Variants in ARHGAP42 observed in about 807,000 individuals in gnomAD.
ARHGAP42 encodes the protein Rho GTPase activating protein 42.
A neutral mutation model predicts 125.0 loss-of-function variants in ARHGAP42; 63 were observed. The observed-to-expected ratio is 0.50, with a 90% CI of 0.41 to 0.62. The LOEUF (loss-of-function observed/expected upper bound fraction) is 0.62. Ranked by LOEUF, ARHGAP42 falls within the 20% of genes least tolerant of loss-of-function variation. The probability of loss-of-function intolerance (pLI) is 0.00; values close to 1 mark genes in which losing one functional copy is unlikely to be tolerated. For synonymous variants in ARHGAP42, 339 were observed against 351.0 expected (o/e 0.97, Z 0.38); for missense variants, 766 against 1,024.2 (o/e 0.75, Z 3.44).
chr11:100,726,265 G>T (rs1210603789), intron 1 of ARHGAP42, among the ~76,000 whole-genome samples: 1 of 152,102 alleles, frequency 6.6e-6, no homozygotes, highest in African/African-American at 2.4e-5. Flanking sequence ...CTAAAGCAAG[G>T]GAGTTGGAAT....
At chr11:100,891,933 C>T (rs1366665091) in intron 4 of ARHGAP42, among the ~76,000 whole-genome samples, 1 of 152,084 alleles carries the variant, frequency 6.6e-6, no homozygotes, top group Non-Finnish European at 1.5e-5. Context: ...TGAGAGCTAG[C>T]AGGGGAAAGG....
At chr11:100,896,245 A>G (rs924774422) in intron 4 of ARHGAP42, among the ~76,000 whole-genome samples, 1 of 151,844 alleles carries the variant, frequency 6.6e-6, no homozygotes, top group African/African-American at 2.4e-5. Flanking sequence ...TCTATCATTG[A>G]TGGACATTTG....
rs190046506 is a variant in ARHGAP42, at chr11:100,717,587, A to G, written c.154+29755A>G. Among the ~76,000 whole-genome samples, 1,011 of 138,294 alleles carry G rather than the reference A, an allele frequency of 7.3e-3. 11 individuals are homozygous for G. Among genetic ancestry groups the G allele is most frequent in the African/African-American group, 0.026 (946 of 37,096 alleles). 90.7% of individuals were successfully genotyped at this position (138,294 alleles called of 152,430 possible). On this transcript the variant is annotated intron_variant, in intron 1 of 23. Transcript: ENST00000298815. The stretch of plus-strand genomic sequence containing the variant: ...GGGAGGTGGAGCTGGTAGTGAGCCG[A>G]GATTGTGCCACTGCACTCTAGCCTG...
intron 3 of ARHGAP42, among the ~76,000 whole-genome samples, chr11:100,817,869 A>G (rs922170359): frequency 6.6e-6 from 1 of 152,184 alleles, no homozygotes; most frequent in Admixed American, 6.6e-5. Flanking sequence ...TCCACAGGGC[A>G]TTGCGTGAAG....
intron 22 of ARHGAP42, among the ~76,000 whole-genome samples, chr11:100,982,691 A>C (rs924582079): frequency 1.3e-5 from 2 of 152,312 alleles, no homozygotes; most frequent in Non-Finnish European, 2.9e-5. Context: ...ATATGTTTTG[A>C]AGGCTGAATT....
chr11:100,889,009 T>C (rs191251746), intron 4 of ARHGAP42, among the ~76,000 whole-genome samples: 2 of 152,344 alleles, frequency 1.3e-5, no homozygotes, highest in East Asian at 1.9e-4. Flanking sequence ...TACTCTGTAC[T>C]TCACATTGTA....
At chr11:100,840,774 A>G (rs536110777) in intron 3 of ARHGAP42, 1 of 152,344 alleles carries the variant, frequency 6.6e-6, no homozygotes, top group South Asian at 2.1e-4. Context: ...TTAATAATAT[A>G]TAGAAGTGTC....
At chr11:100,857,766 C>T (rs73009603) in intron 3 of ARHGAP42, among the ~76,000 whole-genome samples, 2,861 of 152,084 alleles carry the variant, frequency 0.019, 37 homozygotes, top group Non-Finnish European at 0.029. Context: ...TCATTGAGTC[C>T]CTTTGTGTCT....
chr11:100,776,759 G>A (rs1437118883), intron 2 of ARHGAP42, among the ~76,000 whole-genome samples: 1 of 152,108 alleles, frequency 6.6e-6, no homozygotes, highest in African/African-American at 2.4e-5. Flanking sequence ...TAGGCAGGCA[G>A]ATCACCTCAG....
intron 10 of ARHGAP42, among the ~76,000 whole-genome samples, chr11:100,948,122 T>A (rs564987559): frequency 2.0e-5 from 3 of 152,076 alleles, no homozygotes; most frequent in Non-Finnish European, 4.4e-5. Flanking sequence ...AATTCATAGA[T>A]GGCTTTGAAG....
Position 100,961,722 on chromosome 11 carries a change from C to A in ARHGAP42, c.1339C>A (p.Leu447Met), listed in dbSNP as rs931319245. ...SPPDIDIDIE[L>M]WDNKTITSGL... is the part of the protein sequence containing the mutation. ...TCCTGATATTGATATTGATATTGAA[C>A]TGTGGGACAATAAGACGATAACAAG... Residue 447 changes from leucine (L) to methionine (M), a missense_variant, in exon 15 of 24, where the codon CTG (leucine) becomes ATG (methionine). Transcript: ENST00000298815. The A allele has an allele frequency of 6.4e-7, 1 of 1,551,612 alleles. No individual in the cohort carries two copies. The highest frequency in any genetic ancestry group is 1.4e-5 in the African/African-American group (1 of 73,004).
intron 22 of ARHGAP42, among the ~76,000 whole-genome samples, chr11:100,979,662 T>A (rs948576002): frequency 1.2e-4 from 18 of 151,712 alleles, no homozygotes; most frequent in Non-Finnish European, 5.9e-5. Flanking sequence ...GGTTTTTAAT[T>A]TGAATAATGG....
chr11:100,702,619 A>T (rs1039949728), intron 1 of ARHGAP42, among the ~76,000 whole-genome samples: 4 of 150,530 alleles, frequency 2.7e-5, no homozygotes, highest in Non-Finnish European at 4.4e-5. Context: ...CTGTATTTCA[A>T]TTAGTCTTTC....
intron 2 of ARHGAP42, among the ~76,000 whole-genome samples, chr11:100,783,652 C>A (rs1863366582): frequency 6.6e-6 from 1 of 152,124 alleles, no homozygotes; most frequent in Admixed American, 6.5e-5. Flanking sequence ...TCCTTCACAG[C>A]CTGATAATAA....
chr11:100,918,798 C>T (rs968792285), intron 5 of ARHGAP42, among the ~76,000 whole-genome samples: 6 of 152,122 alleles, frequency 3.9e-5, no homozygotes, highest in Non-Finnish European at 8.8e-5. Flanking sequence ...ATGAAAACAC[C>T]TATAAGTGGC....
intron 4 of ARHGAP42, among the ~76,000 whole-genome samples, chr11:100,886,836 A>G (rs1176417700): frequency 6.6e-6 from 1 of 152,230 alleles, no homozygotes; most frequent in Non-Finnish European, 1.5e-5. Context: ...ACACTGAATT[A>G]GGTTTAGACT....
intron 1 of ARHGAP42, among the ~76,000 whole-genome samples, chr11:100,748,738 GA>G (rs1862366346): frequency 6.6e-6 from 1 of 152,212 alleles, no homozygotes; most frequent in South Asian, 2.1e-4. Context: ...TTTTGATTAG[GA>G]AGGCTACGGG....
chr11:100,789,992 G>A (rs622675), intron 2 of ARHGAP42, among the ~76,000 whole-genome samples: 124,433 of 152,104 alleles, frequency 0.82, 51,059 homozygotes, highest in Middle Eastern at 0.88. Flanking sequence ...TTTAAAATAT[G>A]TAAAGCCCAA....
At chr11:100,715,438 A>G (rs1307886193) in intron 1 of ARHGAP42, among the ~76,000 whole-genome samples, 1 of 152,138 alleles carries the variant, frequency 6.6e-6, no homozygotes, top group East Asian at 1.9e-4. Context: ...CACAGAAAAG[A>G]CTTCATTTCT....
Sources: allele counts gnomAD v4.1 joint callset (sites outside exome capture counted in the v4.1 genomes callset), GRCh38; gene constraint gnomAD v4.1.1; transcripts MANE v1.5; gene names NCBI Gene and HGNC (gene_info 2026-07-23, HGNC 2026-07-21).